Variants in ALDH3B2 observed in about 807,000 individuals in gnomAD.
The protein encoded by ALDH3B2 is aldehyde dehydrogenase family 3 member B2.
ALDH3B2 carries 45 observed loss-of-function variants against 36.7 expected under a neutral mutation model. That is an observed-to-expected ratio of 1.23 (90% CI 0.97 to 1.57). ALDH3B2 has a LOEUF of 1.57. ALDH3B2 is among the 40% of genes most tolerant of loss of function. The pLI is 0.00. For missense variants in ALDH3B2, 464 were observed against 513.3 expected (o/e 0.90, Z 0.93); for synonymous variants, 217 against 226.5 (o/e 0.96, Z 0.38).
intron 9 of ALDH3B2, 98 bp from the exon 10 acceptor site, chr11:67,663,497 C>T: frequency 1.4e-6 from 2 of 1,472,544 alleles, no homozygotes; most frequent in Non-Finnish European, 1.9e-6. Flanking sequence ...TGGCAGGGAG[C>T]TCAGAGAGAG....
chr11:67,667,530 G>T, exon 2 of ALDH3B2: 1 of 389,148 alleles, frequency 2.6e-6, no homozygotes, highest in Non-Finnish European at 4.7e-6. Flanking sequence ...CTTGAAGGAA[G>T]TGGCCCAGGC....
At chr11:67,663,537 T>C (rs1435909936) in intron 9 of ALDH3B2, 125 bp downstream of exon 9, 1 of 1,353,452 alleles carries the variant, frequency 7.4e-7, no homozygotes, top group African/African-American at 1.4e-5. Context: ...ATTTTACAGA[T>C]AGGGAAACTG....
intron 8 of ALDH3B2, among the ~76,000 whole-genome samples, chr11:67,664,057 C>T (rs1855827646): frequency 6.6e-6 from 1 of 152,270 alleles, no homozygotes; most frequent in African/African-American, 2.4e-5. Context: ...TATGCGGGCC[C>T]CACCGCGACC....
rs758833876 is a variant in ALDH3B2 at position 67,665,619 on chromosome 11, C to T, written c.372G>A (p.Thr124=). 1.7e-5 allele frequency: 27 copies of T among 1,613,660 alleles called. 1 individual carries two copies. The highest frequency in any genetic ancestry group is 1.3e-4 in the South Asian group (12 of 91,042). ...TGCCCCCCAGCTCCAGGGTGACAGG[C>T]GTCAGGTGCTTGGTGGCAGCAGTCA... Residue 124 remains threonine (T), a synonymous_variant, in exon 7 of 10, where the codon ACG becomes ACA. Coordinates refer to ENST00000349015, the Ensembl canonical transcript of ALDH3B2.
intron 1 of ALDH3B2, among the ~76,000 whole-genome samples, chr11:67,668,341 C>T (rs1855978561): frequency 6.6e-6 from 1 of 152,162 alleles, no homozygotes; most frequent in South Asian, 2.1e-4. Flanking sequence ...AGGGCATGAA[C>T]CCCTCTGGGC....
exon 7 of ALDH3B2, chr11:67,665,541 G>T (rs142189245): frequency 3.4e-5 from 55 of 1,613,974 alleles, no homozygotes; most frequent in South Asian, 1.9e-4. Context: ...ACCAGGCCAC[G>T]CGGTTGGCCA....
At chr11:67,675,190 C>T (rs17510687), upstream of ALDH3B2, among the ~76,000 whole-genome samples, 16,392 of 152,128 alleles carry the variant, frequency 0.11, 1,008 homozygotes, top group African/African-American at 0.16. Flanking sequence ...TCTAGGATGG[C>T]GCATTGTTCA....
intron 1 of ALDH3B2, among the ~76,000 whole-genome samples, chr11:67,671,737 G>T (rs562968913): frequency 6.6e-6 from 1 of 151,172 alleles, no homozygotes; most frequent in African/African-American, 2.4e-5. Context: ...GTAGAGATGG[G>T]GTTTCTCCAT....
upstream of ALDH3B2, among the ~76,000 whole-genome samples, chr11:67,678,745 A>C (rs1329710740): frequency 2.0e-5 from 3 of 151,044 alleles, no homozygotes; most frequent in East Asian, 5.8e-4. Context: ...ATATATATAC[A>C]TACTATGATA....
rs1237487597 is a variant in ALDH3B2 at position 67,672,146 on chromosome 11, G to GT, written c.-245+2290dup. Among the ~76,000 whole-genome samples the GT allele has an allele frequency of 1.7e-3, 73 of 43,354 alleles. 1 individual carries two copies. The highest frequency in any genetic ancestry group is 5.0e-3 in the African/African-American group (71 of 14,342). 28.4% of individuals were successfully genotyped at this position (43,354 alleles called of 152,430 possible). On this transcript the variant is annotated intron_variant, in intron 1 of 9. Coordinates refer to ENST00000349015, the Ensembl canonical transcript of ALDH3B2. Reference sequence around the variant, plus strand: ...TGTGTGTGTGTGTGTATATATATATGTATTTTTTTTTTTTTTTTGAGACAG... The same window carrying GT: ...TGTGTGTGTGTGTGTATATATATATGTTATTTTTTTTTTTTTTTTGAGACAG...
chr11:67,664,485 C>T (rs1185932088), exon 8 of ALDH3B2: 52 of 1,613,960 alleles, frequency 3.2e-5, no homozygotes, highest in Non-Finnish European at 3.9e-5. Context: ...TGCACGTTCA[C>T]GATGGGCAGG....
chr11:67,662,352 C>T (rs1195566553), exon 10 of ALDH3B2: 1 of 152,214 alleles, frequency 6.6e-6, no homozygotes, highest in Non-Finnish European at 1.5e-5. Context: ...CGATGGTTTT[C>T]TGGTGGAGAC....
At chr11:67,670,383 G>A (rs1032927444) in intron 1 of ALDH3B2, among the ~76,000 whole-genome samples, 4 of 152,036 alleles carry the variant, frequency 2.6e-5, no homozygotes, top group Non-Finnish European at 5.9e-5. Context: ...GTCTGCGTGT[G>A]GACTTGAGTA....
chr11:67,663,376 G>A (rs1373301187), exon 10 of ALDH3B2: 2 of 1,612,976 alleles, frequency 1.2e-6, no homozygotes, highest in Non-Finnish European at 1.7e-6. Context: ...AACTTGCCGT[G>A]GTACCGGCCC....
chr11:67,665,328 G>A (rs80147122), exon 7 of ALDH3B2: 19 of 1,611,388 alleles, frequency 1.2e-5, no homozygotes, highest in Admixed American at 3.3e-5. Flanking sequence ...CAATGGCCAC[G>A]CGGCTGCAGC....
At chr11:67,675,612 G>A (rs1298834708), upstream of ALDH3B2, among the ~76,000 whole-genome samples, 82 of 152,192 alleles carry the variant, frequency 5.4e-4, 1 homozygote, top group Non-Finnish European at 2.9e-5. Context: ...ACTGGAGACA[G>A]CCCAGCGGAG....
chr11:67,678,252 C>T (rs1293153261), upstream of ALDH3B2, among the ~76,000 whole-genome samples: 1 of 152,148 alleles, frequency 6.6e-6, no homozygotes, highest in Non-Finnish European at 1.5e-5. Flanking sequence ...AAAACAGTGA[C>T]ATATCGGTGT....
chr11:67,664,540 C>A (rs1027532860), exon 8 of ALDH3B2: 5 of 1,613,606 alleles, frequency 3.1e-6, no homozygotes, highest in South Asian at 1.1e-5. Context: ...CCGTCTCCTG[C>A]ACGTCCACCA....
intron 1 of ALDH3B2, among the ~76,000 whole-genome samples, chr11:67,668,776 G>T (rs1420497543): frequency 2.8e-5 from 4 of 140,920 alleles, no homozygotes; most frequent in Admixed American, 2.8e-4. Context: ...TTGTGTGTAT[G>T]GGTGTCTGTG....
Sources: allele counts gnomAD v4.1 joint callset (sites outside exome capture counted in the v4.1 genomes callset), GRCh38; gene constraint gnomAD v4.1.1; transcripts MANE v1.5; gene names NCBI Gene and HGNC (gene_info 2026-07-23, HGNC 2026-07-21).